The following HDAC9 variants were observed in gnomAD, a reference collection of about 807,000 sequenced individuals.
The protein encoded by HDAC9 is histone deacetylase 9, also known as MEF-2 interacting transcription repressor (MITR) protein.
A neutral mutation model predicts 139.4 loss-of-function variants in HDAC9; 41 were observed. The ratio of observed to expected loss-of-function variants is 0.29; its 90% confidence interval spans 0.23 to 0.38. The LOEUF is 0.38. Among genes scored for constraint, HDAC9 ranks in the 10% least tolerant of loss-of-function variants. The pLI, the probability that HDAC9 is intolerant of heterozygous loss-of-function variation, is 1.00. For missense variants in HDAC9, 1,147 were observed against 1,297.0 expected (o/e 0.88, Z 1.78); for synonymous variants, 517 against 476.2 (o/e 1.09, Z -1.12).
At chr7:18,222,652 C>A (rs942058890) in intron 2 of HDAC9, among the ~76,000 whole-genome samples, 1 of 152,002 alleles carries the variant, frequency 6.6e-6, no homozygotes, top group African/African-American at 2.4e-5. Context: ...CAAATGTAAA[C>A]CTCTATTGCT....
At chr7:18,621,786 C>T (rs1554774) in intron 6 of HDAC9, among the ~76,000 whole-genome samples, 84,612 of 151,978 alleles carry the variant, frequency 0.56, 26,363 homozygotes, top group Non-Finnish European at 0.71. Flanking sequence ...TTGTAGTATG[C>T]CAAGTAGTAC....
At chr7:18,156,092 C>A (rs1562685425) in intron 1 of HDAC9, among the ~76,000 whole-genome samples, 1 of 152,122 alleles carries the variant, frequency 6.6e-6, no homozygotes, top group Non-Finnish European at 1.5e-5. Flanking sequence ...AAACGAGTAT[C>A]CTTACATCTC....
At chr7:18,303,449 G>C (rs989345893) in intron 1 of HDAC9, among the ~76,000 whole-genome samples, 1 of 151,076 alleles carries the variant, frequency 6.6e-6, no homozygotes, top group African/African-American at 2.4e-5. Flanking sequence ...GGGTTTCACC[G>C]TGTTAGCCAG....
intron 18 of HDAC9, 40 bp downstream of exon 18, chr7:18,829,256 G>T (rs1466872366): frequency 1.3e-6 from 2 of 1,493,866 alleles, no homozygotes; most frequent in African/African-American, 1.4e-5. Context: ...AAGCACCACG[G>T]TTCCTGGCGG....
rs551784358 is a variant in HDAC9, at chr7:18,540,995, T to C, written c.23-44286T>C. Among the ~76,000 whole-genome samples the C allele has an allele frequency of 3.9e-5, 6 of 152,198 alleles. No individual in the cohort carries two copies. The South Asian group carries it at 1.2e-3, about 32-fold the overall frequency. The stretch of plus-strand genomic sequence containing the variant: ...AATGTGCCTAAGATCATACAGCCAG[T>C]AAGTAAGAAAGCCAGAATTTGAGTC... On this transcript the variant is annotated intron_variant, in intron 2 of 25. Transcript: ENST00000686413.
intron 8 of HDAC9, among the ~76,000 whole-genome samples, chr7:18,639,922 G>A (rs1165242833): frequency 6.6e-6 from 1 of 152,014 alleles, no homozygotes; most frequent in Non-Finnish European, 1.5e-5. Context: ...ATGAGTGGGA[G>A]AGCTCAAGTA....
At chr7:18,150,813 G>A (rs1786723242) in intron 1 of HDAC9, among the ~76,000 whole-genome samples, 1 of 152,208 alleles carries the variant, frequency 6.6e-6, no homozygotes, top group Non-Finnish European at 1.5e-5. Context: ...CCCAAAATAA[G>A]TGTGTCAAGA....
chr7:18,122,576 GA>G (rs1335321997), intron 1 of HDAC9, among the ~76,000 whole-genome samples: 5 of 151,948 alleles, frequency 3.3e-5, no homozygotes, highest in Non-Finnish European at 7.4e-5. Flanking sequence ...TGGTTGACTC[GA>G]ACACAGAATT....
chr7:18,895,893 C>T (rs1224341276), intron 22 of HDAC9, among the ~76,000 whole-genome samples: 3 of 152,018 alleles, frequency 2.0e-5, no homozygotes, highest in Non-Finnish European at 4.4e-5. Context: ...TGATTAACCA[C>T]TTTTTAAATG....
At chr7:18,123,208 AC>A (rs1355757498) in intron 1 of HDAC9, among the ~76,000 whole-genome samples, 3 of 152,082 alleles carry the variant, frequency 2.0e-5, no homozygotes, top group African/African-American at 7.2e-5. Context: ...AGAGGTCACA[AC>A]CCCCTTTTAT....
chr7:18,724,549 A>G (rs981387269), intron 12 of HDAC9, among the ~76,000 whole-genome samples: 3 of 152,168 alleles, frequency 2.0e-5, no homozygotes, highest in African/African-American at 4.8e-5. Context: ...GGCCTATGAC[A>G]TTATTGCATG....
upstream of HDAC9, among the ~76,000 whole-genome samples, chr7:18,491,912 CA>C (rs935253362): frequency 3.1e-4 from 47 of 151,886 alleles, no homozygotes; most frequent in African/African-American, 1.1e-3. Flanking sequence ...CAGACACACC[CA>C]AAAAATGCTT....
At chr7:18,866,350 A>C (rs1798495922) in intron 21 of HDAC9, among the ~76,000 whole-genome samples, 1 of 152,054 alleles carries the variant, frequency 6.6e-6, no homozygotes, top group South Asian at 2.1e-4. Flanking sequence ...TTATTTATAT[A>C]GTGTCTTGCC....
intron 2 of HDAC9, chr7:18,162,400 T>C: frequency 6.8e-7 from 1 of 1,476,094 alleles, no homozygotes; most frequent in Non-Finnish European, 9.1e-7. Flanking sequence ...TGAAAGATGT[T>C]GCTTTGTGTT....
intron 22 of HDAC9, chr7:18,899,243 T>C (rs1487528512): frequency 6.6e-6 from 1 of 152,050 alleles, no homozygotes; most frequent in Admixed American, 6.6e-5. Flanking sequence ...ACTTTTCTTG[T>C]AGTGCTTAGA....
At chr7:18,302,642 CT>C (rs1798617390) in intron 1 of HDAC9, among the ~76,000 whole-genome samples, 3 of 152,196 alleles carry the variant, frequency 2.0e-5, no homozygotes, top group African/African-American at 7.2e-5. Flanking sequence ...AACAAATTGA[CT>C]TTGCCTTCAT....
chr7:18,984,004 A>G (rs985292466), intron 25 of HDAC9, among the ~76,000 whole-genome samples: 14 of 152,060 alleles, frequency 9.2e-5, no homozygotes, highest in African/African-American at 3.1e-4. Context: ...CTTGAAAAAT[A>G]TTCACCGACC....
At chr7:18,937,362 G>A (rs1362314932) in intron 23 of HDAC9, among the ~76,000 whole-genome samples, 1 of 152,028 alleles carries the variant, frequency 6.6e-6, no homozygotes, top group Non-Finnish European at 1.5e-5. Context: ...AGACAGCACA[G>A]TAACTCAAAG....
At chr7:18,099,364 A>G (rs370670162) in intron 1 of HDAC9, among the ~76,000 whole-genome samples, 298 of 152,188 alleles carry the variant, frequency 2.0e-3, no homozygotes, top group Middle Eastern at 3.4e-3. Flanking sequence ...GCTACTTGGG[A>G]GGCTGAGGCA....
Sources: allele counts gnomAD v4.1 joint callset (sites outside exome capture counted in the v4.1 genomes callset), GRCh38; gene constraint gnomAD v4.1.1; transcripts MANE v1.5; gene names NCBI Gene and HGNC (gene_info 2026-07-23, HGNC 2026-07-21).